The following CCDC15 variants were observed in gnomAD, a reference collection of about 807,000 sequenced individuals.
CCDC15 encodes coiled-coil domain containing 15, also known as coiled-coil domain-containing protein 15.
In CCDC15, 105 loss-of-function variants were observed where a neutral mutation model predicts 114.5. The ratio of observed to expected loss-of-function variants is 0.92; its 90% CI spans 0.78 to 1.08. CCDC15 has a LOEUF of 1.08. Among genes scored for constraint, CCDC15 ranks in the 50% least tolerant of loss-of-function variants. CCDC15 has a pLI of 0.00. For missense variants in CCDC15, 1,105 were observed against 1,093.6 expected, an observed-to-expected ratio of 1.01 and a Z score of -0.15; for synonymous variants, 334 against 377.8, an observed-to-expected ratio of 0.88 and a Z score of 1.34.
intron 4 of CCDC15, among the ~76,000 whole-genome samples, chr11:124,961,938 G>A (rs1947667385): frequency 1.3e-5 from 2 of 152,202 alleles, no homozygotes; most frequent in South Asian, 4.2e-4. Context: ...AGTTTATAAT[G>A]GAGAATAACC....
At chr11:125,007,222 C>G (rs1948559215) in intron 13 of CCDC15, among the ~76,000 whole-genome samples, 1 of 152,076 alleles carries the variant, frequency 6.6e-6, no homozygotes. Flanking sequence ...ACCCATTAAC[C>G]CATTCTTCAT....
Position 124,987,853 on chromosome 11 carries a change from G to A in CCDC15, c.1627G>A (p.Asp543Asn). 1 of 1,613,996 alleles carries A rather than the reference G, an allele frequency of 6.2e-7. No individual in the cohort carries two copies. Among genetic ancestry groups the A allele is most frequent in the East Asian group, 2.2e-5 (1 of 44,876 alleles). Reference protein sequence around the residue: ...LPKDQDFLSRDQHVLPKDWNI... With the variant: ...LPKDQDFLSRNQHVLPKDWNI... The stretch of plus-strand genomic sequence containing the variant: ...TAAAGACCAGGACTTTTTATCTAGA[G>A]ACCAGCATGTTCTCCCCAAAGACTG... Residue 543 changes from aspartate to asparagine, a missense_variant, in exon 8 of 16, where the codon GAC becomes AAC. Coordinates refer to ENST00000344762, the MANE Select transcript of CCDC15 (RefSeq NM_025004.3).
At chr11:124,980,140 G>A (rs1242964743) in intron 6 of CCDC15, among the ~76,000 whole-genome samples, 1 of 152,066 alleles carries the variant, frequency 6.6e-6, no homozygotes, top group African/African-American at 2.4e-5. Flanking sequence ...TGGTGGATTA[G>A]CTTTTTGATG....
intron 13 of CCDC15, among the ~76,000 whole-genome samples, chr11:125,011,130 AT>A (rs1278403494): frequency 6.6e-6 from 1 of 151,968 alleles, no homozygotes; most frequent in South Asian, 2.1e-4. Flanking sequence ...TGAAAAAAAA[AT>A]AAACCTTTTA....
intron 6 of CCDC15, among the ~76,000 whole-genome samples, chr11:124,978,698 C>G (rs1948017126): frequency 6.6e-6 from 1 of 151,952 alleles, no homozygotes. Flanking sequence ...TCCTTGTATT[C>G]TGGATATCAG....
chr11:124,980,073 A>T (rs746200422), intron 6 of CCDC15, among the ~76,000 whole-genome samples: 1 of 152,200 alleles, frequency 6.6e-6, no homozygotes. Flanking sequence ...GTGGTGAATC[A>T]CAATTAATGA....
At chr11:125,015,407 AC>A (rs2135532132) in intron 13 of CCDC15, among the ~76,000 whole-genome samples, 1 of 152,306 alleles carries the variant, frequency 6.6e-6, no homozygotes, top group South Asian at 2.1e-4. Flanking sequence ...GGGAACCATT[AC>A]TACAGAGCCT....
At chr11:124,995,817 C>G (rs1251598243) in intron 11 of CCDC15, among the ~76,000 whole-genome samples, 1 of 151,848 alleles carries the variant, frequency 6.6e-6, no homozygotes, top group East Asian at 1.9e-4. Flanking sequence ...AATTTTCAAC[C>G]CTGGAATAGC....
At chr11:124,959,071 A>G (rs747513391) in intron 2 of CCDC15, 44 bp from the exon 3 acceptor site, 21 of 1,436,014 alleles carry the variant, frequency 1.5e-5, no homozygotes, top group Non-Finnish European at 2.0e-5. Flanking sequence ...TAATGGACAA[A>G]ACTGCTAACA....
chr11:124,988,133 A>C lies in CCDC15; in HGVS notation c.1907A>C (p.Gln636Pro). Residue 636 changes from glutamine (Q) to proline (P), a missense_variant and splice_region_variant, in exon 8 of 16, where the codon CAG (glutamine) becomes CCG (proline). By Grantham distance (76) the Gln-to-Pro change is moderately conservative. Transcript: ENST00000344762. Reference protein sequence around the residue: ...CQDQDFLPKYQKVHFKEPYSD... With the variant: ...CQDQDFLPKYPKVHFKEPYSD... ...GACCAAGATTTTCTACCAAAATATCAGGTAAAATAGAGCAGAAAGGAGATA... is the reference window on the plus strand; with the variant it reads ...GACCAAGATTTTCTACCAAAATATCCGGTAAAATAGAGCAGAAAGGAGATA... 1 of 1,607,330 alleles carries C rather than the reference A, an allele frequency of 6.2e-7. No homozygotes were observed. Among genetic ancestry groups the C allele is most frequent in the Non-Finnish European group, 8.5e-7 (1 of 1,177,486 alleles).
intron 6 of CCDC15, among the ~76,000 whole-genome samples, chr11:124,978,434 C>T (rs1948011666): frequency 6.6e-6 from 1 of 152,158 alleles, no homozygotes; most frequent in Non-Finnish European, 1.5e-5. Context: ...TGAAAAATCA[C>T]CAAACTGCTT....
chr11:124,996,323 A>G (rs1948367956), intron 11 of CCDC15, among the ~76,000 whole-genome samples: 1 of 152,180 alleles, frequency 6.6e-6, no homozygotes, highest in Non-Finnish European at 1.5e-5. Context: ...ACGGAAAATA[A>G]AAGCTATCAC....
rs533802520 is a variant in CCDC15, at chr11:124,964,691, G to A, written c.516+4688G>A. 4.9e-4 allele frequency among the ~76,000 whole-genome samples: 74 copies of A among 152,280 alleles called. No individual in the cohort carries two copies. In the Middle Eastern group the frequency reaches 0.01, roughly 21 times the overall value. On this transcript the variant is annotated intron_variant, in intron 4 of 15. Transcript: ENST00000344762. ...TCTAACACTGTGTTGAGTAGGAGTG[G>A]TGAGAGAGGGCATCGCTGTCTTGTG...
At chr11:125,035,142 C>T (rs539347508) in intron 13 of CCDC15, among the ~76,000 whole-genome samples, 1 of 152,190 alleles carries the variant, frequency 6.6e-6, no homozygotes, top group Admixed American at 6.5e-5. Flanking sequence ...GTTCTTCTGC[C>T]TGGTTTTTAT....
chr11:125,005,450 G>T (rs1369285759), intron 13 of CCDC15, among the ~76,000 whole-genome samples: 1 of 152,100 alleles, frequency 6.6e-6, no homozygotes, highest in East Asian at 1.9e-4. Flanking sequence ...TGAGCAGAAA[G>T]TACAGAGAGT....
chr11:125,015,501 A>G (rs1409944099), intron 13 of CCDC15, among the ~76,000 whole-genome samples: 1 of 152,194 alleles, frequency 6.6e-6, no homozygotes, highest in Admixed American at 6.5e-5. Flanking sequence ...ATAAACTCCT[A>G]TGGGGATAAA....
rs746737367 is a variant in CCDC15 at position 125,040,608 on chromosome 11, A to T, written c.2753A>T (p.His918Leu). 22 of 1,609,960 alleles carry T rather than the reference A, an allele frequency of 1.4e-5. 1 individual carries two copies. In the South Asian group the frequency reaches 2.2e-4, roughly 16 times the overall value. Residue 918 changes from histidine to leucine, a missense_variant, in exon 16 of 16, where the codon CAT becomes CTT. By Grantham distance (99) the His-to-Leu change is moderately conservative. Transcript: ENST00000344762. ...TTTGCAGCATATACTCGGGCACTAC[A>T]TTCATTCATCAATTCCTGTGATGTC... The part of the protein sequence containing the change: ...KNHRAYTRAL[H>L]SFINSCDVPG...
Position 124,987,806 on chromosome 11 carries a change from A to G in CCDC15, c.1580A>G (p.Tyr527Cys), listed in dbSNP as rs1948198988. 2 of 1,605,154 alleles carry G rather than the reference A, an allele frequency of 1.2e-6. No homozygotes were observed. Among genetic ancestry groups the G allele is most frequent in the Non-Finnish European group, 1.7e-6 (2 of 1,173,574 alleles). ...LPKDQNILPK[Y>C]QGQDFLPKDQ... ...AAAGACCAGAATATTCTACCTAAAT[A>G]TCAAGGCCAGGATTTTCTACCTAAA... Residue 527 changes from tyrosine to cysteine, a missense_variant, in exon 8 of 16, where the codon TAT (tyrosine) becomes TGT (cysteine). Coordinates refer to ENST00000344762, the MANE Select transcript of CCDC15 (RefSeq NM_025004.3).
intron 9 of CCDC15, 143 bp from the exon 10 acceptor site, chr11:124,992,437 C>T (rs1388296651): frequency 1.3e-4 from 75 of 596,734 alleles, no homozygotes; most frequent in Non-Finnish European, 5.0e-5. Flanking sequence ...AAAAGTGTAA[C>T]ATCTCCCTCA....
Sources: gnomAD v4.1 joint callset for allele counts (sites outside exome capture counted in the v4.1 genomes callset) on GRCh38, gnomAD v4.1.1 for gene constraint, MANE v1.5 for transcripts, NCBI Gene and HGNC (gene_info 2026-07-23, HGNC 2026-07-21) for gene names.